KLHDC1: variants seen among roughly 807,000 people sequenced by gnomAD.
KLHDC1 encodes the protein kelch domain-containing protein 1.
KLHDC1 carries 53 observed loss-of-function variants against 68.3 expected under a neutral mutation model. The observed-to-expected ratio is 0.78, with a 90% confidence interval of 0.62 to 0.98. The LOEUF is 0.98. KLHDC1 is among the 50% of genes least tolerant of loss of function. KLHDC1 has a pLI of 0.00. For missense variants in KLHDC1, 470 were observed against 492.3 expected, an observed-to-expected ratio of 0.95 and a Z score of 0.43; for synonymous variants, 148 against 159.0, an observed-to-expected ratio of 0.93 and a Z score of 0.52.
chr14:49,714,244 C>T (rs917523864), intron 4 of KLHDC1, among the ~76,000 whole-genome samples: 4 of 151,510 alleles, frequency 2.6e-5, no homozygotes, highest in Admixed American at 6.6e-5. Flanking sequence ...GAGGCCGAGG[C>T]GCGCAGATCA....
chr14:49,698,664 T>C (rs1366517759), intron 1 of KLHDC1, among the ~76,000 whole-genome samples: 2 of 150,418 alleles, frequency 1.3e-5, no homozygotes, highest in African/African-American at 4.9e-5. Flanking sequence ...TACAGGCACA[T>C]GCCACCACGC....
chr14:49,725,146 C>G (rs1409798655), intron 5 of KLHDC1, among the ~76,000 whole-genome samples: 2 of 152,036 alleles, frequency 1.3e-5, no homozygotes, highest in African/African-American at 2.4e-5. Flanking sequence ...CTGGGAGATG[C>G]TAAATATGGT....
chr14:49,719,750 C>T (rs28804181), intron 4 of KLHDC1, among the ~76,000 whole-genome samples: 295 of 151,690 alleles, frequency 1.9e-3, no homozygotes, highest in African/African-American at 6.7e-3. Flanking sequence ...TGTTACATTG[C>T]TTTTTGGCCT....
chr14:49,730,940 C>T (rs775646138), intron 8 of KLHDC1, among the ~76,000 whole-genome samples: 3 of 151,910 alleles, frequency 2.0e-5, no homozygotes, highest in East Asian at 1.9e-4. Context: ...CCACTGCACT[C>T]CAGCCTGGGC....
intron 5 of KLHDC1, 82 bp downstream of exon 5, chr14:49,724,034 C>T: frequency 7.9e-6 from 6 of 755,276 alleles, no homozygotes; most frequent in Non-Finnish European, 1.3e-5. Context: ...TAGTCTTTCT[C>T]ATTTTTGGAG....
intron 1 of KLHDC1, among the ~76,000 whole-genome samples, chr14:49,707,276 G>GTA (rs1230071082): frequency 7.4e-6 from 1 of 135,858 alleles, no homozygotes; most frequent in Non-Finnish European, 1.6e-5. Context: ...ATTTTTATGT[G>GTA]TGTGTGTGTG....
intron 5 of KLHDC1, 52 bp from the exon 6 acceptor site, chr14:49,725,634 A>G (rs988311267): frequency 1.1e-6 from 1 of 944,828 alleles, no homozygotes; most frequent in Non-Finnish European, 1.6e-6. Flanking sequence ...AACTGTAATA[A>G]TAATGTAAAA....
chr14:49,733,575 C>T (rs1888866476), intron 9 of KLHDC1, among the ~76,000 whole-genome samples: 1 of 151,650 alleles, frequency 6.6e-6, no homozygotes, highest in Non-Finnish European at 1.5e-5. Flanking sequence ...TTACAGGTGC[C>T]CACCACCACG....
chr14:49,723,803 C>A, intron 4 of KLHDC1, 71 bp from the exon 5 acceptor site: 1 of 841,782 alleles, frequency 1.2e-6, no homozygotes, highest in Non-Finnish European at 1.9e-6. Context: ...GTGAGAGGAT[C>A]TTTTTCAGCT....
intron 8 of KLHDC1, among the ~76,000 whole-genome samples, chr14:49,732,501 C>T (rs1375305660): frequency 6.6e-6 from 1 of 151,906 alleles, no homozygotes; most frequent in Non-Finnish European, 1.5e-5. Context: ...CACTGTGTAG[C>T]CAGGTGGAAT....
intron 1 of KLHDC1, among the ~76,000 whole-genome samples, chr14:49,701,055 C>T (rs1410858481): frequency 6.6e-6 from 1 of 151,152 alleles, no homozygotes; most frequent in Non-Finnish European, 1.5e-5. Flanking sequence ...GCATTCCAGC[C>T]TGGGCGACAG....
intron 1 of KLHDC1, among the ~76,000 whole-genome samples, chr14:49,696,480 C>T (rs147839470): frequency 1.2e-3 from 187 of 152,182 alleles, no homozygotes; most frequent in Admixed American, 3.8e-3. Flanking sequence ...CGTGCCTGGC[C>T]TTACCTTGCA....
At chr14:49,723,107 AAAAAAAAG>A (rs1888576162) in intron 4 of KLHDC1, among the ~76,000 whole-genome samples, 1 of 150,306 alleles carries the variant, frequency 6.7e-6, no homozygotes, top group Non-Finnish European at 1.5e-5. Flanking sequence ...AAAAAAAAAA[AAAAAAAAG>A]AAGAGAAAAC....
chr14:49,732,892 G>T, intron 9 of KLHDC1, 76 bp downstream of exon 9: 1 of 753,450 alleles, frequency 1.3e-6, no homozygotes, highest in Non-Finnish European at 2.2e-6. Flanking sequence ...TTACAGTGAA[G>T]TAAATCTTCC....
At chr14:49,700,094 T>C in intron 1 of KLHDC1, 1 of 309,830 alleles carries the variant, frequency 3.2e-6, no homozygotes, top group Non-Finnish European at 6.2e-6. Context: ...TGGCGCGATC[T>C]CGGCTCACTG....
chr14:49,709,766 T>C lies in KLHDC1; in HGVS notation c.225T>C (p.Ala75=). The C allele has an allele frequency of 6.2e-7, 1 of 1,605,300 alleles. No homozygotes were observed. The highest frequency in any genetic ancestry group is 8.5e-7 in the Non-Finnish European group (1 of 1,176,486). Residue 75 remains alanine, a synonymous_variant, in exon 3 of 13, where the codon GCT becomes GCC. Coordinates refer to ENST00000359332, the MANE Select transcript of KLHDC1 (RefSeq NM_172193.3). ...CCTCCATGTCAGGAAGCTGTGGTGC[T>C]TGCATTAATGGAAAGCTGTACATTT... ...LPASMSGSCG[A]CINGKLYIFG...
chr14:49,729,603 T>C, intron 8 of KLHDC1, 55 bp downstream of exon 8: 1 of 1,138,290 alleles, frequency 8.8e-7, no homozygotes. Context: ...TGTGTCTGTA[T>C]GTCACCATAA....
At chr14:49,734,744 C>A in intron 10 of KLHDC1, 83 bp downstream of exon 10, 2 of 594,404 alleles carry the variant, frequency 3.4e-6, no homozygotes, top group Non-Finnish European at 5.6e-6. Flanking sequence ...TAGTGTTTGC[C>A]ATTGAAACCA....
At chr14:49,707,338 C>CTT (rs1191432812) in intron 1 of KLHDC1, among the ~76,000 whole-genome samples, 53 of 61,794 alleles carry the variant, frequency 8.6e-4, no homozygotes, top group Non-Finnish European at 1.1e-3. Context: ...ACAAGATATT[C>CTT]TTTTTTTTTT....
Sources: gnomAD v4.1 joint callset for allele counts (sites outside exome capture counted in the v4.1 genomes callset) on GRCh38, gnomAD v4.1.1 for gene constraint, MANE v1.5 for transcripts, NCBI Gene and HGNC (gene_info 2026-07-23, HGNC 2026-07-21) for gene names.